The following MYO1E variants were observed in gnomAD, a reference collection of about 807,000 sequenced individuals.
MYO1E encodes the protein myosin IE, also known as unconventional myosin-Ie.
Under a neutral mutation model 151.1 loss-of-function variants are expected in MYO1E, and 68 were observed. That is an observed-to-expected ratio of 0.45 (90% CI 0.37 to 0.55). The LOEUF (loss-of-function observed/expected upper bound fraction) is 0.55. MYO1E is among the 20% of genes least tolerant of loss of function. The pLI is 0.00. For missense variants in MYO1E, 1,363 were observed against 1,389.3 expected (o/e 0.98, Z 0.30); for synonymous variants, 601 against 501.7 (o/e 1.20, Z -2.64).
At chr15:59,342,361 T>C (rs1415337130) in intron 1 of MYO1E, among the ~76,000 whole-genome samples, 1 of 152,222 alleles carries the variant, frequency 6.6e-6, no homozygotes, top group Non-Finnish European at 1.5e-5. Context: ...TTTTGCTGTG[T>C]GGAAGGAAGC....
At chr15:59,204,296 A>C (rs767062519) in intron 15 of MYO1E, among the ~76,000 whole-genome samples, 72 of 152,252 alleles carry the variant, frequency 4.7e-4, no homozygotes, top group Non-Finnish European at 8.4e-4. Context: ...CTACAGGGAG[A>C]GAAGTAAACG....
intron 27 of MYO1E, 130 bp downstream of exon 27, chr15:59,138,068 G>C: frequency 8.9e-7 from 1 of 1,121,314 alleles, no homozygotes. Flanking sequence ...CTGAGCCTGA[G>C]GCCTGACCTG....
rs142719146 is a variant in MYO1E at position 59,152,031 on chromosome 15, G to A, written c.3080+1559C>T. On this transcript the variant is annotated intron_variant, in intron 26 of 27. Coordinates refer to ENST00000288235, the MANE Select transcript of MYO1E (RefSeq NM_004998.4). ...TGCAGTGAGCCGAGATTGTGGCACT[G>A]CACTCCAGCCTGGCAACCGAGTGAG... Among the ~76,000 whole-genome samples the A allele has an allele frequency of 8.6e-3, 1,306 of 151,540 alleles. 25 individuals carry two copies. Among genetic ancestry groups the A allele is most frequent in the African/African-American group, 0.03 (1,245 of 41,268 alleles).
At position 59,265,780 on chromosome 15, in the gene MYO1E, A is replaced by AC. The variant is rs1196264829; in HGVS notation, c.148-4272dup. Reference sequence around the variant, plus strand: ...AGACCAGCCTGGGCAATATACTGAGACCCCATCTCCTTAAAAAAAAAAAAA... The same window carrying AC: ...AGACCAGCCTGGGCAATATACTGAGACCCCCATCTCCTTAAAAAAAAAAAAA... On this transcript the variant is annotated intron_variant, in intron 2 of 27. Transcript: ENST00000288235. Among the ~76,000 whole-genome samples, 9 of 129,762 alleles carry AC rather than the reference A, an allele frequency of 6.9e-5. No homozygotes were observed. The South Asian group carries it at 1.5e-3, about 22-fold the overall frequency. 85.1% of individuals were successfully genotyped at this position (129,762 alleles called of 152,430 possible). A position where few individuals can be genotyped will look rare whatever the true frequency, so the allele number is the denominator to read the frequency against.
rs997612760 is a variant in MYO1E at position 59,163,168 on chromosome 15, T to C, written c.2616A>G (p.Lys872=). 44 of 1,614,028 alleles carry C rather than the reference T, an allele frequency of 2.7e-5. No individual in the cohort carries two copies. In the Admixed American group the frequency reaches 3.7e-4, roughly 13 times the overall value. Residue 872 remains lysine (K), a synonymous_variant, in exon 23 of 28, where the codon AAA becomes AAG. Coordinates refer to ENST00000288235, the MANE Select transcript of MYO1E (RefSeq NM_004998.4). ...AGATCCGGACTTACGTATTGCTGAATTTCAGAGGTAGTTGCTTCTGGGTCT... is the reference window on the plus strand; with the variant it reads ...AGATCCGGACTTACGTATTGCTGAACTTCAGAGGTAGTTGCTTCTGGGTCT... ...EEKTQKQLPL[K]FSNTLELKLK...
chr15:59,139,803 A>G (rs1263419395), intron 26 of MYO1E, among the ~76,000 whole-genome samples: 1 of 148,996 alleles, frequency 6.7e-6, no homozygotes, highest in Non-Finnish European at 1.5e-5. Flanking sequence ...CCTGCTCATT[A>G]TTACTCTGCA....
intron 5 of MYO1E, among the ~76,000 whole-genome samples, chr15:59,236,369 T>TATATACACACAC (rs1392466770): frequency 8.5e-5 from 10 of 117,738 alleles, no homozygotes; most frequent in East Asian, 2.6e-4. Context: ...AAAAAATATA[T>TATATACACACAC]ACACACACAC....
intron 18 of MYO1E, among the ~76,000 whole-genome samples, chr15:59,179,771 C>T (rs1434740176): frequency 3.3e-5 from 5 of 152,210 alleles, no homozygotes; most frequent in Admixed American, 1.3e-4. Context: ...ACTATACATG[C>T]CTATGTTAGA....
At chr15:59,190,720 T>C (rs980302001) in intron 17 of MYO1E, among the ~76,000 whole-genome samples, 7 of 152,230 alleles carry the variant, frequency 4.6e-5, no homozygotes, top group East Asian at 1.9e-4. Context: ...TCTTTATTTC[T>C]AGACGAGTAC....
intron 1 of MYO1E, among the ~76,000 whole-genome samples, chr15:59,314,403 C>T (rs1455348264): frequency 4.6e-5 from 7 of 152,202 alleles, no homozygotes; most frequent in African/African-American, 9.7e-5. Flanking sequence ...TGCATCCCTC[C>T]TTCCCACATA....
At chr15:59,164,246 C>T (rs1195492574) in intron 22 of MYO1E, among the ~76,000 whole-genome samples, 1 of 152,158 alleles carries the variant, frequency 6.6e-6, no homozygotes, top group Non-Finnish European at 1.5e-5. Flanking sequence ...GGGCCACCAC[C>T]CCAAAGACTA....
rs773375993 is a variant in MYO1E at position 59,137,389 on chromosome 15, G to A, written c.3318C>T (p.Thr1106=). 7 of 1,614,126 alleles carry A rather than the reference G, an allele frequency of 4.3e-6. No homozygotes were observed. The highest frequency in any genetic ancestry group is 5.9e-6 in the Non-Finnish European group (7 of 1,179,968). The part of the protein sequence containing the change: ...KQGLFPNNYV[T]KI ...CAGAGTCACGGGCACCTCAGATCTT[G>A]GTCACATAGTTGTTGGGGAACAGGC... Residue 1106 remains threonine (T), a synonymous_variant, in exon 28 of 28, where the codon ACC becomes ACT. Coordinates refer to ENST00000288235, the MANE Select transcript of MYO1E (RefSeq NM_004998.4).
chr15:59,165,855 G>C (rs1416865075), intron 22 of MYO1E, among the ~76,000 whole-genome samples: 1 of 152,182 alleles, frequency 6.6e-6, no homozygotes. Flanking sequence ...TTTGGCCTTT[G>C]GGGTGAGGAA....
At chr15:59,191,850 G>A (rs1203837786) in intron 17 of MYO1E, among the ~76,000 whole-genome samples, 3 of 152,184 alleles carry the variant, frequency 2.0e-5, no homozygotes, top group African/African-American at 7.2e-5. Context: ...CCATCTTGCA[G>A]AGGGAGTCTT....
At chr15:59,160,326 T>G (rs528987533) in intron 24 of MYO1E, among the ~76,000 whole-genome samples, 1 of 146,096 alleles carries the variant, frequency 6.8e-6, no homozygotes, top group African/African-American at 2.6e-5. Flanking sequence ...GACTGGGGTT[T>G]GAGGTAGTGC....
intron 15 of MYO1E, among the ~76,000 whole-genome samples, chr15:59,204,194 T>C (rs924105322): frequency 6.6e-6 from 1 of 152,180 alleles, no homozygotes; most frequent in African/African-American, 2.4e-5. Flanking sequence ...TATGTATGTT[T>C]TGAATAAAAA....
At chr15:59,198,066 T>C (rs1249093454) in intron 16 of MYO1E, among the ~76,000 whole-genome samples, 2 of 152,144 alleles carry the variant, frequency 1.3e-5, no homozygotes, top group Non-Finnish European at 2.9e-5. Flanking sequence ...GGGGTCTCAC[T>C]ATATTTCCCA....
intron 1 of MYO1E, among the ~76,000 whole-genome samples, chr15:59,297,433 G>A (rs1364360010): frequency 2.6e-4 from 15 of 57,300 alleles, no homozygotes; most frequent in Admixed American, 2.4e-3. Flanking sequence ...ACCACACCCA[G>A]CTAATTTTTT....
intron 15 of MYO1E, among the ~76,000 whole-genome samples, chr15:59,205,087 C>A (rs181382169): frequency 6.6e-6 from 1 of 152,330 alleles, no homozygotes. Flanking sequence ...AAATGATAAT[C>A]CAGACCCAAT....
Sources: allele counts gnomAD v4.1 joint callset (sites outside exome capture counted in the v4.1 genomes callset), GRCh38; gene constraint gnomAD v4.1.1; transcripts MANE v1.5; gene names NCBI Gene and HGNC (gene_info 2026-07-23, HGNC 2026-07-21).